The following SV2C variants were observed in gnomAD, a reference collection of about 807,000 sequenced individuals.
SV2C encodes the protein synaptic vesicle glycoprotein 2C, also known as solute carrier family 22 member B3.
In SV2C, 49 loss-of-function variants were observed where a neutral mutation model predicts 79.7. The ratio of observed to expected loss-of-function variants is 0.61; its 90% confidence interval spans 0.49 to 0.78. SV2C has a LOEUF of 0.78. Among genes scored for constraint, SV2C ranks in the 30% least tolerant of loss-of-function variants. SV2C has a pLI of 0.00. For missense variants in SV2C, 833 were observed against 912.9 expected (o/e 0.91, Z 1.13); for synonymous variants, 334 against 333.2 (o/e 1.00, Z -0.03).
At chr5:76,042,857 G>A in the SV2C span, among the ~76,000 whole-genome samples, 2 of 152,122 alleles carry the variant, frequency 1.3e-5, no homozygotes, top group African/African-American at 4.8e-5. Flanking sequence ...GTATGTTTCT[G>A]ACAATCGCTG....
At chr5:75,979,896 A>G in the SV2C span, among the ~76,000 whole-genome samples, 2 of 152,194 alleles carry the variant, frequency 1.3e-5, no homozygotes, top group Non-Finnish European at 2.9e-5. Flanking sequence ...ACTGAAGGAG[A>G]TAGAGACACA....
rs144534109 is a variant in SV2C at position 76,273,170 on chromosome 5, T to TATATATATAC, written c.914-11991_914-11990insTATATATACA. The stretch of plus-strand genomic sequence containing the variant: ...AGATATATATATATATATATATATA[T>TATATATATAC]ACACACATATATATATTTTTAACTT... On this transcript the variant is annotated intron_variant, in intron 4 of 12. Transcript: ENST00000502798. Among the ~76,000 whole-genome samples the TATATATATAC allele has an allele frequency of 9.0e-5, 11 of 122,002 alleles. No individual in the cohort carries two copies. In the South Asian group the frequency reaches 1.1e-3, roughly 13 times the overall value. The allele number at this position is 122,002 out of a possible 152,430, so 80.0% of individuals were successfully genotyped here.
chr5:75,912,035 A>C, the SV2C span, among the ~76,000 whole-genome samples: 5,038 of 152,256 alleles, frequency 0.033, 202 homozygotes, highest in African/African-American at 0.1. Flanking sequence ...GGAGGAGAAG[A>C]CTTATGGGAG....
intron 7 of SV2C, 88 bp downstream of exon 7, chr5:76,291,419 A>G (rs1043592108): frequency 6.5e-6 from 7 of 1,076,796 alleles, no homozygotes; most frequent in Non-Finnish European, 9.3e-6. Flanking sequence ...CTGCCCTATG[A>G]GCGAGGTTCT....
the SV2C span, among the ~76,000 whole-genome samples, chr5:76,059,668 A>G: frequency 5.3e-4 from 80 of 152,144 alleles, no homozygotes; most frequent in Non-Finnish European, 1.0e-3. Context: ...AAAATCATCC[A>G]TGAGAGTTGG....
At chr5:76,127,500 G>A (rs1444993207) in intron 1 of SV2C, among the ~76,000 whole-genome samples, 1 of 152,208 alleles carries the variant, frequency 6.6e-6, no homozygotes, top group Non-Finnish European at 1.5e-5. Flanking sequence ...TATAAATGCA[G>A]TTTCAATCGG....
chr5:75,873,248 G>A, the SV2C span, among the ~76,000 whole-genome samples: 18,950 of 152,042 alleles, frequency 0.12, 1,392 homozygotes, highest in African/African-American at 0.22. Context: ...AAACAATGAT[G>A]AAGACATTTA....
At chr5:76,073,660 A>G in the SV2C span, among the ~76,000 whole-genome samples, 1 of 151,488 alleles carries the variant, frequency 6.6e-6, no homozygotes, top group Admixed American at 6.6e-5. Context: ...GGAAAACCAA[A>G]CATCATATGT....
chr5:75,912,997 G>T, the SV2C span, among the ~76,000 whole-genome samples: 1 of 152,220 alleles, frequency 6.6e-6, no homozygotes, highest in African/African-American at 2.4e-5. Context: ...TATGGTGGAA[G>T]CCATGAAGGC....
At chr5:76,103,280 C>G (rs534393557) in intron 1 of SV2C, among the ~76,000 whole-genome samples, 1 of 152,082 alleles carries the variant, frequency 6.6e-6, no homozygotes, top group African/African-American at 2.4e-5. Context: ...GTATTATTCA[C>G]CTGCATCTGA....
chr5:76,171,741 GCCGT>G (rs1561247817), intron 2 of SV2C, among the ~76,000 whole-genome samples: 2 of 120,560 alleles, frequency 1.7e-5, no homozygotes, highest in African/African-American at 5.9e-5. Context: ...GGCCAGCCGT[GCCGT>G]CCGGGAGGGA....
intron 12 of SV2C, among the ~76,000 whole-genome samples, chr5:76,349,693 A>G (rs953379905): frequency 2.4e-4 from 36 of 148,676 alleles, no homozygotes; most frequent in Non-Finnish European, 4.0e-4. Context: ...TTTTTGAAGC[A>G]AAGTCTCACT....
intron 12 of SV2C, among the ~76,000 whole-genome samples, chr5:76,308,135 A>T (rs1748270614): frequency 1.3e-5 from 2 of 152,058 alleles, no homozygotes; most frequent in South Asian, 2.1e-4. Flanking sequence ...GAGAATTTGG[A>T]TCTTATTTAA....
the SV2C span, among the ~76,000 whole-genome samples, chr5:75,965,096 A>G: frequency 6.6e-6 from 1 of 152,102 alleles, no homozygotes; most frequent in Non-Finnish European, 1.5e-5. Flanking sequence ...AAGATCATGA[A>G]CTTGCAGACA....
intron 8 of SV2C, among the ~76,000 whole-genome samples, chr5:76,294,177 T>C (rs1747659085): frequency 6.6e-6 from 1 of 152,186 alleles, no homozygotes; most frequent in African/African-American, 2.4e-5. Flanking sequence ...CACAGTCTAA[T>C]AGAGGTATCG....
intron 2 of SV2C, among the ~76,000 whole-genome samples, chr5:76,168,689 T>TA (rs1304216319): frequency 6.6e-6 from 1 of 152,220 alleles, no homozygotes; most frequent in Non-Finnish European, 1.5e-5. Flanking sequence ...ACTTCTCTCT[T>TA]AAATTATGTT....
At chr5:76,091,340 G>A (rs930602751) in intron 1 of SV2C, among the ~76,000 whole-genome samples, 4 of 152,078 alleles carry the variant, frequency 2.6e-5, no homozygotes, top group East Asian at 1.9e-4. Context: ...GGCATTCCCC[G>A]CCTGCTTCAA....
chr5:76,120,086 A>C (rs971375028), intron 1 of SV2C, among the ~76,000 whole-genome samples: 1 of 152,164 alleles, frequency 6.6e-6, no homozygotes, highest in Non-Finnish European at 1.5e-5. Context: ...TCCTTATACA[A>C]TGTATACATG....
intron 2 of SV2C, among the ~76,000 whole-genome samples, chr5:76,158,926 G>A (rs75120780): frequency 0.062 from 9,448 of 151,934 alleles, 358 homozygotes; most frequent in African/African-American, 0.076. Context: ...ATCCAGAAAC[G>A]TATGAAAAGG....
Sources: gnomAD v4.1 joint callset for allele counts (sites outside exome capture counted in the v4.1 genomes callset) on GRCh38, gnomAD v4.1.1 for gene constraint, MANE v1.5 for transcripts, NCBI Gene and HGNC (gene_info 2026-07-23, HGNC 2026-07-21) for gene names.